Variants in CNTN5 observed in about 807,000 individuals in gnomAD.
CNTN5 encodes contactin 5.
A neutral mutation model predicts 129.1 loss-of-function variants in CNTN5; 77 were observed. The ratio of observed to expected loss-of-function variants is 0.60; its 90% CI spans 0.50 to 0.72. CNTN5 has a LOEUF of 0.72. CNTN5 is among the 30% of genes least tolerant of loss of function. The pLI is 0.00. For synonymous variants in CNTN5, 509 were observed against 465.6 expected (o/e 1.09, Z -1.20); for missense variants, 1,478 against 1,328.8 (o/e 1.11, Z -1.75).
At position 99,728,519 on chromosome 11, in the gene CNTN5, A is replaced by G. The variant is rs139092660; in HGVS notation, c.56-91025A>G. On this transcript the variant is annotated intron_variant, in intron 3 of 24. Coordinates refer to ENST00000524871, the MANE Select transcript of CNTN5 (RefSeq NM_014361.4). The stretch of plus-strand genomic sequence containing the variant: ...AATTTTTCAGGGTCTATCTAACTGA[A>G]TGAAGGTGCTTTTTAGAAATAAATA... Among the ~76,000 whole-genome samples, 5 of 152,334 alleles carry G rather than the reference A, an allele frequency of 3.3e-5. No homozygotes were observed. The East Asian group carries it at 9.6e-4, about 29-fold the overall frequency.
chr11:100,020,452 T>A (rs539794864), intron 9 of CNTN5, among the ~76,000 whole-genome samples: 1 of 152,204 alleles, frequency 6.6e-6, no homozygotes, highest in South Asian at 2.1e-4. Flanking sequence ...ATGTGTCAAC[T>A]CGTTTTTTGA....
intron 2 of CNTN5, among the ~76,000 whole-genome samples, chr11:99,432,444 TCTTTTCTTTTCTTTTCTTTC>T (rs1293152267): frequency 4.4e-4 from 62 of 139,808 alleles, no homozygotes; most frequent in South Asian, 4.6e-4. Context: ...TCTTTCCTTT[TCTTTTCTTTTCTTTTCTTTC>T]CTTTTCTTTT....
intron 3 of CNTN5, among the ~76,000 whole-genome samples, chr11:99,640,233 C>T (rs1005435378): frequency 2.6e-5 from 4 of 152,174 alleles, no homozygotes; most frequent in African/African-American, 9.7e-5. Context: ...GGTATCTTTT[C>T]AGCAAGGCCC....
chr11:100,010,794 C>G (rs1002344593), intron 9 of CNTN5, among the ~76,000 whole-genome samples: 1 of 152,136 alleles, frequency 6.6e-6, no homozygotes, highest in Non-Finnish European at 1.5e-5. Flanking sequence ...ACATCTGTGG[C>G]TCTGTGACAC....
chr11:99,561,112 C>T (rs1363378392), intron 3 of CNTN5, among the ~76,000 whole-genome samples: 1 of 151,970 alleles, frequency 6.6e-6, no homozygotes, highest in Non-Finnish European at 1.5e-5. Context: ...TAGGACTGGG[C>T]CAAGAAATAT....
chr11:99,494,252 T>TA (rs1029813649), intron 2 of CNTN5, among the ~76,000 whole-genome samples: 2 of 152,200 alleles, frequency 1.3e-5, no homozygotes, highest in African/African-American at 4.8e-5. Flanking sequence ...ATCTTTAGAT[T>TA]AATGTGTCTA....
At chr11:99,139,539 C>T (rs1316195424) in intron 1 of CNTN5, among the ~76,000 whole-genome samples, 1 of 152,134 alleles carries the variant, frequency 6.6e-6, no homozygotes, top group Admixed American at 6.5e-5. Context: ...GTTCATTAAA[C>T]ATTAGTTAAA....
intron 3 of CNTN5, among the ~76,000 whole-genome samples, chr11:99,738,537 A>G (rs759882617): frequency 6.6e-6 from 1 of 152,114 alleles, no homozygotes; most frequent in Non-Finnish European, 1.5e-5. Context: ...TGAAGAAATA[A>G]TAGAAGGAAA....
chr11:99,820,353 G>C (rs187472706), intron 4 of CNTN5, among the ~76,000 whole-genome samples: 493 of 151,830 alleles, frequency 3.2e-3, no homozygotes, highest in African/African-American at 0.011. Context: ...ATTTCTGGAA[G>C]TGTATTCTGT....
chr11:100,238,806 A>G (rs1346158976), intron 16 of CNTN5, among the ~76,000 whole-genome samples: 2 of 152,212 alleles, frequency 1.3e-5, no homozygotes, highest in Admixed American at 6.5e-5. Context: ...TATTTCTCCA[A>G]TAGGTGATCT....
chr11:99,462,212 C>T (rs1944726761), intron 2 of CNTN5, among the ~76,000 whole-genome samples: 1 of 152,026 alleles, frequency 6.6e-6, no homozygotes, highest in East Asian at 1.9e-4. Context: ...TTTAAAATAC[C>T]CTAGACACAT....
chr11:99,275,568 A>G (rs1278065351), intron 1 of CNTN5, among the ~76,000 whole-genome samples: 1 of 151,700 alleles, frequency 6.6e-6, no homozygotes, highest in Non-Finnish European at 1.5e-5. Context: ...ATTATTGTTA[A>G]TGACTTCACA....
intron 2 of CNTN5, among the ~76,000 whole-genome samples, chr11:99,382,431 T>A (rs553710330): frequency 5.9e-5 from 9 of 152,262 alleles, no homozygotes; most frequent in Non-Finnish European, 1.0e-4. Context: ...GCCTTTGTTG[T>A]TAAATAAAGA....
chr11:100,281,678 T>A (rs1163259011), intron 18 of CNTN5, among the ~76,000 whole-genome samples: 1 of 152,172 alleles, frequency 6.6e-6, no homozygotes, highest in East Asian at 1.9e-4. Flanking sequence ...ATAAACTTCA[T>A]ACCCCTATCT....
At chr11:99,888,178 G>A (rs868854087) in intron 6 of CNTN5, among the ~76,000 whole-genome samples, 2 of 152,030 alleles carry the variant, frequency 1.3e-5, no homozygotes, top group Admixed American at 6.5e-5. Flanking sequence ...CATTATCATC[G>A]TTCCATGCAC....
chr11:100,155,845 C>T (rs1283950849), intron 13 of CNTN5, among the ~76,000 whole-genome samples: 1 of 152,072 alleles, frequency 6.6e-6, no homozygotes, highest in Non-Finnish European at 1.5e-5. Context: ...GATTTTTGCA[C>T]ATTGATTTTG....
At chr11:99,924,081 C>G (rs1417117107) in intron 7 of CNTN5, among the ~76,000 whole-genome samples, 1 of 152,196 alleles carries the variant, frequency 6.6e-6, no homozygotes, top group Admixed American at 6.5e-5. Flanking sequence ...TGAGCCGCCA[C>G]ACCCGGCATC....
intron 13 of CNTN5, among the ~76,000 whole-genome samples, chr11:100,155,982 T>C (rs1947227417): frequency 6.6e-6 from 1 of 152,012 alleles, no homozygotes; most frequent in South Asian, 2.1e-4. Context: ...CTTCCTATTT[T>C]AATACCCTTT....
intron 2 of CNTN5, among the ~76,000 whole-genome samples, chr11:99,516,809 T>A (rs555161112): frequency 6.6e-6 from 1 of 152,260 alleles, no homozygotes. Flanking sequence ...TGTAAGAACT[T>A]GTTTTTTCAT....
Sources: gnomAD v4.1 joint callset for allele counts (sites outside exome capture counted in the v4.1 genomes callset) on GRCh38, gnomAD v4.1.1 for gene constraint, MANE v1.5 for transcripts, NCBI Gene and HGNC (gene_info 2026-07-23, HGNC 2026-07-21) for gene names.